PLPP1: variants seen among roughly 807,000 people sequenced by gnomAD.
The protein encoded by PLPP1 is lipid phosphate phosphohydrolase 1a.
A neutral mutation model predicts 31.2 loss-of-function variants in PLPP1; 24 were observed. That is an observed-to-expected ratio of 0.77 (90% confidence interval 0.56 to 1.08). The LOEUF is 1.08. Ranked by LOEUF, PLPP1 falls within the 50% of genes least tolerant of loss-of-function variation. The probability of loss-of-function intolerance (pLI) is 0.00; values close to 1 mark genes in which losing one functional copy is unlikely to be tolerated. For missense variants in PLPP1, 319 were observed against 342.7 expected (o/e 0.93, Z 0.55); for synonymous variants, 146 against 126.3 (o/e 1.16, Z -1.05).
intron 3 of PLPP1, among the ~76,000 whole-genome samples, chr5:55,443,192 A>AAAAAAAAAATATAT: frequency 7.1e-4 from 18 of 25,434 alleles, no homozygotes; most frequent in African/African-American, 1.8e-3. Flanking sequence ...AAAAAAAAAA[A>AAAAAAAAAATATAT]ATATATATAT....
At chr5:55,461,783 T>C (rs940538054) in intron 3 of PLPP1, among the ~76,000 whole-genome samples, 4 of 152,164 alleles carry the variant, frequency 2.6e-5, no homozygotes, top group African/African-American at 9.7e-5. Flanking sequence ...AGTACAGCTC[T>C]CTTTATTCAC....
intron 4 of PLPP1, 97 bp downstream of exon 4, chr5:55,441,754 A>T: frequency 7.9e-7 from 1 of 1,271,974 alleles, no homozygotes; most frequent in Non-Finnish European, 1.1e-6. Context: ...ACCTTTTGCT[A>T]CTGGCTAATT....
chr5:55,445,082 GT>G (rs1309831268), intron 3 of PLPP1, among the ~76,000 whole-genome samples: 1 of 152,070 alleles, frequency 6.6e-6, no homozygotes, highest in Non-Finnish European at 1.5e-5. Context: ...ACTTTATGAT[GT>G]TTTTTTCCTC....
intron 3 of PLPP1, among the ~76,000 whole-genome samples, chr5:55,454,199 T>A (rs1262262426): frequency 6.6e-6 from 1 of 152,168 alleles, no homozygotes; most frequent in Non-Finnish European, 1.5e-5. Context: ...TGAGTTGCAA[T>A]ATATTATGTA....
chr5:55,491,082 G>A, intron 1 of PLPP1: 1 of 1,613,824 alleles, frequency 6.2e-7, no homozygotes, highest in Non-Finnish European at 8.5e-7. Context: ...GGATATATTT[G>A]GCCCAATTTT....
intron 3 of PLPP1, among the ~76,000 whole-genome samples, chr5:55,464,971 T>C (rs903985118): frequency 6.6e-6 from 1 of 152,168 alleles, no homozygotes; most frequent in African/African-American, 2.4e-5. Flanking sequence ...AAAAGAGTAG[T>C]TCGACTAGTA....
At chr5:55,511,749 C>T (rs560586896) in intron 1 of PLPP1, among the ~76,000 whole-genome samples, 517 of 147,988 alleles carry the variant, frequency 3.5e-3, no homozygotes, top group Non-Finnish European at 5.8e-3. Context: ...CTGCAAGCTC[C>T]GCCTCCAGGG....
At chr5:55,508,781 G>A (rs1753340316) in intron 1 of PLPP1, 1 of 154,204 alleles carries the variant, frequency 6.5e-6, no homozygotes, top group Non-Finnish European at 1.5e-5. Flanking sequence ...CATGGGGCAG[G>A]GGAAGTGAAG....
intron 1 of PLPP1, among the ~76,000 whole-genome samples, chr5:55,515,738 T>A (rs1753542401): frequency 6.6e-6 from 1 of 152,176 alleles, no homozygotes; most frequent in Non-Finnish European, 1.5e-5. Context: ...TCAGTCTTGG[T>A]GGTCTTAATT....
chr5:55,475,652 GCAAA>G (rs1752522598), intron 1 of PLPP1, among the ~76,000 whole-genome samples: 1 of 152,170 alleles, frequency 6.6e-6, no homozygotes, highest in African/African-American at 2.4e-5. Flanking sequence ...TTTGTCTACA[GCAAA>G]CAAAGTGTTC....
chr5:55,532,640 C>CATCTGAA (rs1398031931), intron 1 of PLPP1, among the ~76,000 whole-genome samples: 1 of 152,070 alleles, frequency 6.6e-6, no homozygotes, highest in African/African-American at 2.4e-5. Context: ...TAAGTCCCGA[C>CATCTGAA]ATCTGAAAGG....
intron 1 of PLPP1, among the ~76,000 whole-genome samples, chr5:55,506,014 G>A (rs931445619): frequency 3.9e-5 from 6 of 152,234 alleles, no homozygotes; most frequent in African/African-American, 7.2e-5. Context: ...CTGAGATCAC[G>A]CCACTGCACT....
chr5:55,456,881 G>A (rs1421646384), intron 3 of PLPP1, among the ~76,000 whole-genome samples: 1 of 152,148 alleles, frequency 6.6e-6, no homozygotes, highest in Admixed American at 6.5e-5. Context: ...CTATAAACAG[G>A]CCTGGTGCAG....
intron 3 of PLPP1, among the ~76,000 whole-genome samples, chr5:55,443,198 T>A (rs868360308): frequency 1.5e-3 from 124 of 82,186 alleles, no homozygotes; most frequent in African/African-American, 1.8e-3. Context: ...AAAAAATATA[T>A]ATATATATAT....
At chr5:55,500,414 G>A (rs1753114774) in intron 1 of PLPP1, among the ~76,000 whole-genome samples, 1 of 152,014 alleles carries the variant, frequency 6.6e-6, no homozygotes, top group Non-Finnish European at 1.5e-5. Context: ...ATAAACATTG[G>A]GAAGTCTGGA....
At chr5:55,491,251 C>CA in intron 1 of PLPP1, 1 of 863,926 alleles carries the variant, frequency 1.2e-6, no homozygotes, top group Non-Finnish European at 1.7e-6. Flanking sequence ...TACCCAAGGG[C>CA]AAAGATTAAG....
Position 55,441,838 on chromosome 5 carries a change from AC to A in PLPP1, c.549+12del. 1 of 1,611,308 alleles carries A rather than the reference AC, an allele frequency of 6.2e-7. No homozygotes were observed. The highest frequency in any genetic ancestry group is 8.5e-7 in the Non-Finnish European group (1 of 1,177,350). ...GCACATAACCTAACCGTCAACAGAC[AC>A]AAAGTACTTACTGCCACAAACAGCA... On this transcript the variant is annotated intron_variant, in intron 4 of 5. Transcript: ENST00000307259.
chr5:55,460,813 T>C (rs1752138383), intron 3 of PLPP1, among the ~76,000 whole-genome samples: 1 of 152,090 alleles, frequency 6.6e-6, no homozygotes, highest in Non-Finnish European at 1.5e-5. Flanking sequence ...GCCACCGCAC[T>C]CCAGCCTGGA....
At chr5:55,475,852 C>T (rs1014931004) in intron 1 of PLPP1, among the ~76,000 whole-genome samples, 2 of 152,112 alleles carry the variant, frequency 1.3e-5, no homozygotes, top group Non-Finnish European at 2.9e-5. Flanking sequence ...TTTAGCATTC[C>T]ATATTTGGAT....
Sources: allele counts gnomAD v4.1 joint callset (sites outside exome capture counted in the v4.1 genomes callset), GRCh38; gene constraint gnomAD v4.1.1; transcripts MANE v1.5; gene names NCBI Gene and HGNC (gene_info 2026-07-23, HGNC 2026-07-21).